Variants in ZNF112 observed in about 807,000 individuals in gnomAD.
ZNF112 encodes the protein zinc finger protein 112, also known as zinc finger protein 112 (Y14).
ZNF112 carries 37 observed loss-of-function variants against 77.7 expected under a neutral mutation model. The ratio of observed to expected loss-of-function variants is 0.48; its 90% CI spans 0.37 to 0.63. ZNF112 has a LOEUF of 0.63. Ranked by LOEUF, ZNF112 falls within the 20% of genes least tolerant of loss-of-function variation. The pLI is 0.00. For synonymous variants in ZNF112, 333 were observed against 363.6 expected, an observed-to-expected ratio of 0.92 and a Z score of 0.96; for missense variants, 950 against 1,077.4, an observed-to-expected ratio of 0.88 and a Z score of 1.66.
chr19:44,332,791 T>C (rs1970294125), intron 3 of ZNF112, among the ~76,000 whole-genome samples: 1 of 152,192 alleles, frequency 6.6e-6, no homozygotes, highest in African/African-American at 2.4e-5. Context: ...GCAGTGGGTT[T>C]TGCAATGTTA....
chr19:44,334,462 C>T (rs1970328409), intron 3 of ZNF112, among the ~76,000 whole-genome samples: 1 of 152,152 alleles, frequency 6.6e-6, no homozygotes, highest in African/African-American at 2.4e-5. Flanking sequence ...CAGAAATGTG[C>T]CTAAGTAAAG....
rs574297698 is a variant in ZNF112, at chr19:44,364,392, G to A, written c.17+2689C>T. Among the ~76,000 whole-genome samples the A allele has an allele frequency of 1.9e-4, 29 of 152,218 alleles. No individual in the cohort carries two copies. The East Asian group carries it at 5.4e-3, about 28-fold the overall frequency. On this transcript the variant is annotated intron_variant, in intron 1 of 4. Coordinates refer to the ZNF112 transcript ENST00000588057. ...TTTTGCCCATTATAATTGAGATGTT[G>A]GGCTCTTTAATATTGTATTGTACAA...
chr19:44,365,510 T>TAC (rs559519624), intron 1 of ZNF112, among the ~76,000 whole-genome samples: 8 of 151,558 alleles, frequency 5.3e-5, no homozygotes, highest in South Asian at 2.1e-4. Context: ...AAAAATTGTA[T>TAC]ACACACACAC....
intron 1 of ZNF112, chr19:44,343,205 C>T (rs780405844): frequency 6.2e-7 from 1 of 1,607,232 alleles, no homozygotes; most frequent in Non-Finnish European, 8.5e-7. Context: ...TGTCCACTCA[C>T]TGCAAAATGA....
rs1970204599 is a variant in ZNF112 at position 44,329,030 on chromosome 19, G to C, written c.1127C>G (p.Thr376Ser). ...LDLNSIFRVH[T>S]RDEPHEYEEN... ...CTCATATTCATGGGGTTCATCCCTA[G>C]TATGGACCCTAAAAATACTATTAAG... The change falls in exon 4 of 4, where the codon ACT (threonine) becomes AGT (serine). Residue 376 changes from threonine (T) to serine (S), a missense_variant. Thr to Ser is a moderately conservative substitution (Grantham distance 58). This residue lies in a region of ZNF112 where 560 missense variants were observed against 557.3 expected (regional missense o/e 1.00). Coordinates refer to ENST00000354340, the MANE Select transcript of ZNF112 (RefSeq NM_013380.4). The C allele has an allele frequency of 6.2e-7, 1 of 1,613,846 alleles. No individual in the cohort carries two copies. Among genetic ancestry groups the C allele is most frequent in the African/African-American group, 1.3e-5 (1 of 75,012 alleles).
At chr19:44,346,029 T>C (rs137956808) in intron 1 of ZNF112, among the ~76,000 whole-genome samples, 2 of 152,324 alleles carry the variant, frequency 1.3e-5, no homozygotes, top group African/African-American at 4.8e-5. Context: ...CACAGGCAAT[T>C]TGCCCACTCC....
intron 1 of ZNF112, among the ~76,000 whole-genome samples, chr19:44,346,919 C>G (rs939491862): frequency 3.3e-5 from 5 of 152,186 alleles, no homozygotes; most frequent in African/African-American, 1.2e-4. Context: ...TGATAGAGTG[C>G]TCTACAAATG....
At chr19:44,346,840 C>G (rs1223378272) in intron 1 of ZNF112, among the ~76,000 whole-genome samples, 1 of 152,144 alleles carries the variant, frequency 6.6e-6, no homozygotes, top group Non-Finnish European at 1.5e-5. Context: ...GAAGCATCTG[C>G]GAGCTCAAAG....
intron 2 of ZNF112, 132 bp from the exon 3 acceptor site, chr19:44,336,850 A>G: frequency 1.6e-6 from 1 of 621,586 alleles, no homozygotes; most frequent in Middle Eastern, 2.7e-4. Context: ...CCTTCCACTC[A>G]CTATAAGAAA....
chr19:44,347,905 T>G (rs1343600921), intron 1 of ZNF112, among the ~76,000 whole-genome samples: 1 of 152,148 alleles, frequency 6.6e-6, no homozygotes, highest in Non-Finnish European at 1.5e-5. Flanking sequence ...CTTCCTTTAG[T>G]GCTCCTTTTA....
chr19:44,356,474 G>A (rs533183855), intron 1 of ZNF112, among the ~76,000 whole-genome samples, 152 bp downstream of exon 1: 5 of 152,262 alleles, frequency 3.3e-5, no homozygotes, highest in African/African-American at 1.2e-4. Flanking sequence ...GCCCCACACT[G>A]GAGAAGGCTC....
intron 1 of ZNF112, among the ~76,000 whole-genome samples, chr19:44,349,513 CTA>C (rs1005044963): frequency 1.3e-5 from 2 of 151,992 alleles, no homozygotes; most frequent in African/African-American, 4.8e-5. Context: ...CTAATCAAAC[CTA>C]TGTCAACACT....
upstream of ZNF112, among the ~76,000 whole-genome samples, chr19:44,359,000 A>G (rs544587831): frequency 1.3e-5 from 2 of 152,280 alleles, no homozygotes; most frequent in East Asian, 3.9e-4. Flanking sequence ...CCTAATTTTC[A>G]GTTTTTCTAA....
chr19:44,337,594 TC>T (rs1970405116), intron 2 of ZNF112, among the ~76,000 whole-genome samples: 1 of 149,066 alleles, frequency 6.7e-6, no homozygotes, highest in South Asian at 2.1e-4. Context: ...TTAGATATTG[TC>T]AACTTCCCCT....
rs1450789223 is a variant in ZNF112, at chr19:44,326,881, A to G, written c.*552T>C. On this transcript the variant is annotated 3_prime_UTR_variant, in exon 4 of 4. Coordinates refer to ENST00000354340, the MANE Select transcript of ZNF112 (RefSeq NM_013380.4). ...GGTGGGAACTAACCCCAATAGGGTT[A>G]CAATCAAATTAATGTTATTTCAGAT... 2 of 154,246 alleles carry G rather than the reference A, an allele frequency of 1.3e-5. No individual in the cohort carries two copies. Among genetic ancestry groups the G allele is most frequent in the Non-Finnish European group, 2.9e-5 (2 of 69,344 alleles). The allele number at this position is 154,246 out of a possible 1,614,324, so 9.6% of individuals were successfully genotyped here.
At chr19:44,352,136 A>G (rs1017189365) in intron 1 of ZNF112, among the ~76,000 whole-genome samples, 1 of 152,082 alleles carries the variant, frequency 6.6e-6, no homozygotes, top group Non-Finnish European at 1.5e-5. Context: ...GGGCGATGGA[A>G]CTGTTGTGAA....
At chr19:44,348,499 G>A (rs1261293380) in intron 1 of ZNF112, among the ~76,000 whole-genome samples, 3 of 151,756 alleles carry the variant, frequency 2.0e-5, no homozygotes, top group South Asian at 4.1e-4. Context: ...TTTTACTTCA[G>A]ATGTTATCTT....
At chr19:44,358,941 A>C (rs1393318351), upstream of ZNF112, among the ~76,000 whole-genome samples, 1 of 152,156 alleles carries the variant, frequency 6.6e-6, no homozygotes, top group Non-Finnish European at 1.5e-5. Flanking sequence ...AGGGAGATAT[A>C]CTATATCCTG....
In ZNF112 at chr19:44,328,073, C is replaced by T; in HGVS notation, c.2084G>A (p.Ser695Asn). 6.2e-7 allele frequency: 1 copy of T among 1,614,044 alleles called. No individual in the cohort carries two copies. Among genetic ancestry groups the T allele is most frequent in the Non-Finnish European group, 8.5e-7 (1 of 1,179,994 alleles). Residue 695 changes from serine (S) to asparagine (N), a missense_variant, in exon 4 of 4, where the codon AGT becomes AAT. Transcript: ENST00000354340. ...CTGAAGGTATGATCTCTGACTGAAA[C>T]TCTTACCACACTCATCACATTGGTA... ...KPYQCDECGK[S>N]FSQRSYLQSH...
Sources: allele counts gnomAD v4.1 joint callset (sites outside exome capture counted in the v4.1 genomes callset), GRCh38; gene constraint gnomAD v4.1.1; regional missense constraint gnomAD v4.1.1; transcripts MANE v1.5; gene names NCBI Gene and HGNC (gene_info 2026-07-23, HGNC 2026-07-21).